Variants in IQSEC2 observed in about 807,000 individuals in gnomAD.
IQSEC2 encodes IQ motif and SEC7 domain-containing protein 2.
In IQSEC2, 6 loss-of-function variants were observed where a neutral mutation model predicts 74.6. That is an observed-to-expected ratio of 0.08 (90% confidence interval 0.04 to 0.16). IQSEC2 has a LOEUF of 0.16. IQSEC2 is among the 10% of genes least tolerant of loss of function. The pLI is 1.00. For missense variants in IQSEC2, 734 were observed against 1,306.2 expected (o/e 0.56, Z 6.75); for synonymous variants, 494 against 544.5 (o/e 0.91, Z 1.29).
intron 10 of IQSEC2, among the ~76,000 whole-genome samples, chrX:53,240,988 C>T (rs1000760458): frequency 8.9e-5 from 10 of 111,820 alleles, no homozygotes; most frequent in African/African-American, 1.6e-4. Context: ...GTTGGCCAGG[C>T]TGGTCTTGAA....
chrX:53,316,175 C>G (rs782778698), intron 1 of IQSEC2, among the ~76,000 whole-genome samples: 4 of 112,096 alleles, frequency 3.6e-5, no homozygotes, highest in African/African-American at 1.3e-4. Flanking sequence ...CGTGGCCCCT[C>G]CTGCGCTGTG....
At chrX:53,287,890 T>C (rs2075048858) in intron 2 of IQSEC2, among the ~76,000 whole-genome samples, 1 of 111,691 alleles carries the variant, frequency 9.0e-6, no homozygotes, top group African/African-American at 3.3e-5. Flanking sequence ...CCTGGAAAGT[T>C]ACCTCCTCCT....
chrX:53,281,635 A>C, intron 2 of IQSEC2: 1 of 911,900 alleles, frequency 1.1e-6, no homozygotes, highest in Non-Finnish European at 1.5e-6. Flanking sequence ...AGGCGGGGCC[A>C]GGCCAGCTGG....
At chrX:53,240,774 C>CTTT (rs34233943) in intron 10 of IQSEC2, among the ~76,000 whole-genome samples, 1 of 96,998 alleles carries the variant, frequency 1.0e-5, no homozygotes, top group Non-Finnish European at 2.1e-5. Context: ...CTTCAAGCAT[C>CTTT]TTTTTTTTTT....
chrX:53,321,169 C>G lies in IQSEC2; in HGVS notation c.-46G>C, dbSNP rs782681761. On this transcript the variant is annotated 5_prime_UTR_variant, in exon 1 of 15. Transcript: ENST00000642864. ...GGAACGGGCAGGAGAGCCCTGTCCC[C>G]GCTCTCTCACGGCGCCACCCTCCCC... 7.2e-6 allele frequency: 6 copies of G among 833,087 alleles called. No homozygotes were observed. The highest frequency in any genetic ancestry group is 8.5e-6 in the Non-Finnish European group (5 of 588,818). The allele number at this position is 833,087 out of a possible 1,213,427, so 68.7% of individuals were successfully genotyped here. A position where few individuals can be genotyped will look rare whatever the true frequency, so the allele number is the denominator to read the frequency against.
chrX:53,270,783 A>C (rs782103845), intron 2 of IQSEC2, among the ~76,000 whole-genome samples: 6 of 111,099 alleles, frequency 5.4e-5, no homozygotes, highest in African/African-American at 2.0e-4. Flanking sequence ...ACTTGAACTT[A>C]CTGCGAACTC....
At chrX:53,247,275 C>G in intron 7 of IQSEC2, 140 bp from the exon 8 acceptor site, 1 of 542,235 alleles carries the variant, frequency 1.8e-6, no homozygotes, top group Non-Finnish European at 3.0e-6. Context: ...TCAGAGCTTC[C>G]CCTAGACCAG....
chrX:53,314,979 T>C (rs1420521252), intron 1 of IQSEC2, among the ~76,000 whole-genome samples: 6 of 111,916 alleles, frequency 5.4e-5, no homozygotes, highest in African/African-American at 1.9e-4. Flanking sequence ...AAAGCCCACC[T>C]GCGGGAGGCA....
At chrX:53,302,802 T>C (rs781850608) in intron 1 of IQSEC2, among the ~76,000 whole-genome samples, 19 of 111,298 alleles carry the variant, frequency 1.7e-4, no homozygotes, top group Non-Finnish European at 3.0e-4. Context: ...CCAGGCATTT[T>C]AGTGTGTGCC....
intron 1 of IQSEC2, among the ~76,000 whole-genome samples, chrX:53,312,642 G>A (rs781912232): frequency 4.5e-5 from 5 of 111,956 alleles, no homozygotes; most frequent in Admixed American, 1.9e-4. Flanking sequence ...CTTCACCTAC[G>A]TCATCTTATT....
chrX:53,248,243 A>T lies in IQSEC2; in HGVS notation c.2460-7T>A. The T allele has an allele frequency of 8.3e-7, 1 of 1,208,873 alleles. No homozygotes were observed. Among genetic ancestry groups the T allele is most frequent in the Non-Finnish European group, 1.1e-6 (1 of 894,076 alleles). ...CATCTCATCCACCACACAGCTAAGGAGCAAAGAAGGAGGTGTGGCGCTTTC... is the reference window on the plus strand; with the variant it reads ...CATCTCATCCACCACACAGCTAAGGTGCAAAGAAGGAGGTGTGGCGCTTTC... On this transcript the variant is annotated splice_polypyrimidine_tract_variant and splice_region_variant and intron_variant, in intron 6 of 14. Transcript: ENST00000642864.
At chrX:53,246,830 G>A in intron 8 of IQSEC2, 139 bp downstream of exon 8, 1 of 574,187 alleles carries the variant, frequency 1.7e-6, no homozygotes, top group Non-Finnish European at 2.9e-6. Context: ...TGAATATCCT[G>A]GGAACATCCA....
intron 1 of IQSEC2, among the ~76,000 whole-genome samples, chrX:53,304,134 CAA>C (rs1299610630): frequency 8.9e-5 from 6 of 67,678 alleles, no homozygotes; most frequent in Admixed American, 3.6e-4. Flanking sequence ...GACTCTGTCT[CAA>C]AAAAAAAAAA....
At chrX:53,309,636 C>G (rs1386611678) in intron 1 of IQSEC2, among the ~76,000 whole-genome samples, 2 of 112,089 alleles carry the variant, frequency 1.8e-5, no homozygotes, top group Non-Finnish European at 3.8e-5. Flanking sequence ...CCAGCCTGCT[C>G]CACCTCTGGT....
rs369906117 is a variant in IQSEC2 at position 53,235,854 on chromosome X, C to T, written c.3452-22G>A. On this transcript the variant is annotated intron_variant, in intron 13 of 14. Coordinates refer to ENST00000642864, the MANE Select transcript of IQSEC2 (RefSeq NM_001111125.3). ...TTCCCTGCACCCACAAGCAAGGAGC[C>T]CAGCGTCAGAGCAGCAACCCCCCCC... 1.5e-3 allele frequency: 1,715 copies of T among 1,156,199 alleles called. 3 individuals are homozygous for T. Among genetic ancestry groups the T allele is most frequent in the Middle Eastern group, 0.01 (37 of 3,691 alleles).
rs190215801 is a variant in IQSEC2, at chrX:53,252,678, G to A, written c.1402-1504C>T. ...ACAGCTTGACCGCAGCCTCATGAAA[G>A]GCCCTGAACCAGAACCACTCAGCCA... is the stretch of plus-strand genomic sequence containing the variant. On this transcript the variant is annotated intron_variant, in intron 4 of 14. Coordinates refer to ENST00000642864, the MANE Select transcript of IQSEC2 (RefSeq NM_001111125.3). 7.3e-3 allele frequency among the ~76,000 whole-genome samples: 813 copies of A among 111,838 alleles called. 11 individuals carry two copies. Among genetic ancestry groups the A allele is most frequent in the African/African-American group, 0.026 (786 of 30,744 alleles).
chrX:53,282,827 C>T (rs1036224217), intron 2 of IQSEC2, among the ~76,000 whole-genome samples: 1 of 109,349 alleles, frequency 9.1e-6, no homozygotes, highest in Admixed American at 9.8e-5. Context: ...CCTGCAGCAG[C>T]TTCACCTTGT....
chrX:53,286,698 T>C (rs1327591313), intron 2 of IQSEC2, among the ~76,000 whole-genome samples: 3 of 110,414 alleles, frequency 2.7e-5, no homozygotes, highest in African/African-American at 6.6e-5. Flanking sequence ...TCCCAGCACT[T>C]TGGGAGGCCG....
At chrX:53,310,938 T>A (rs1333204940) in intron 1 of IQSEC2, among the ~76,000 whole-genome samples, 1 of 106,348 alleles carries the variant, frequency 9.4e-6, no homozygotes, top group Non-Finnish European at 1.9e-5. Flanking sequence ...CTGACCAACA[T>A]GGAGAAACCC....
Sources: gnomAD v4.1 joint callset for allele counts (sites outside exome capture counted in the v4.1 genomes callset) on GRCh38, gnomAD v4.1.1 for gene constraint, MANE v1.5 for transcripts, NCBI Gene and HGNC (gene_info 2026-07-23, HGNC 2026-07-21) for gene names.